NEK3: variants seen among roughly 807,000 people sequenced by gnomAD.
NEK3 encodes the protein NIMA related kinase 3.
A neutral mutation model predicts 66.0 loss-of-function variants in NEK3; 54 were observed. The ratio of observed to expected loss-of-function variants is 0.82; its 90% CI spans 0.66 to 1.03. The LOEUF (loss-of-function observed/expected upper bound fraction) is 1.03, where lower values mean the gene tolerates loss of function less well. Ranked by LOEUF, NEK3 falls within the 50% of genes least tolerant of loss-of-function variation. NEK3 has a pLI of 0.00. For synonymous variants in NEK3, 200 were observed against 206.2 expected (o/e 0.97, Z 0.26); for missense variants, 593 against 603.0 (o/e 0.98, Z 0.17).
intron 10 of NEK3, 36 bp from the exon 11 acceptor site, chr13:52,141,105 C>T (rs1956247246): frequency 6.4e-7 from 1 of 1,552,408 alleles, no homozygotes; most frequent in Non-Finnish European, 8.8e-7. Context: ...AAAGATAAAA[C>T]ACATAAAGGA....
chr13:52,135,982 A>T (rs1241652303), intron 13 of NEK3, 119 bp from the exon 14 acceptor site: 7 of 1,489,028 alleles, frequency 4.7e-6, no homozygotes, highest in Non-Finnish European at 6.4e-6. Context: ...AATCTGCTTC[A>T]TTCACCTGTA....
At chr13:52,146,535 A>C (rs1956296983) in intron 8 of NEK3, among the ~76,000 whole-genome samples, 1 of 152,246 alleles carries the variant, frequency 6.6e-6, no homozygotes, top group African/African-American at 2.4e-5. Flanking sequence ...AAGAACGTAT[A>C]CATGTAAATT....
At chr13:52,153,837 G>A in intron 4 of NEK3, 58 bp downstream of exon 4, 1 of 1,133,822 alleles carries the variant, frequency 8.8e-7, no homozygotes. Flanking sequence ...CTTATATAAA[G>A]TTTATGAGAA....
chr13:52,138,067 C>A (rs1236454593), intron 11 of NEK3, among the ~76,000 whole-genome samples: 1 of 152,224 alleles, frequency 6.6e-6, no homozygotes, highest in African/African-American at 2.4e-5. Context: ...GTTGCCCAGG[C>A]TGGAGTGCAG....
rs536584778 is a variant in NEK3, at chr13:52,151,143, C to CA, written c.548+2dup. The CA allele has an allele frequency of 2.7e-4, 436 of 1,602,572 alleles. 1 individual carries two copies. In the East Asian group the frequency reaches 9.4e-3, roughly 34 times the overall value. On this transcript the variant is annotated splice_region_variant and intron_variant, in intron 7 of 15. Coordinates refer to ENST00000610828, the MANE Select transcript of NEK3 (RefSeq NM_002498.3). ...ACCCTGACATCAAATATGCAGCACT[C>CA]ACCTTTTATTGTTATAAGGCAGGTT... is the stretch of plus-strand genomic sequence containing the variant.
rs1366989405 is a variant in NEK3 at position 52,133,756 on chromosome 13, C to T, written c.1369G>A (p.Asp457Asn). 6.3e-7 allele frequency: 1 copy of T among 1,587,744 alleles called. No individual in the cohort carries two copies. The change falls in exon 15 of 16, where the codon GAT becomes AAT. Residue 457 changes from aspartate to asparagine, a missense_variant. Transcript: ENST00000610828. ...AAAATGACAGAATCGTGACCTCCAT[C>T]AACACTGTCCGATGCTTCTGTTTCT... ...SEETEASDSVDGGHDSVILDP... is the reference protein window; with the variant it reads ...SEETEASDSVNGGHDSVILDP...
At chr13:52,139,549 C>G (rs1376896108) in intron 11 of NEK3, among the ~76,000 whole-genome samples, 1 of 152,168 alleles carries the variant, frequency 6.6e-6, no homozygotes, top group Non-Finnish European at 1.5e-5. Flanking sequence ...CAATTGTACA[C>G]TCAGAATTGG....
chr13:52,158,774 T>TA (rs1483789510), intron 1 of NEK3, among the ~76,000 whole-genome samples: 3 of 152,234 alleles, frequency 2.0e-5, no homozygotes, highest in Non-Finnish European at 4.4e-5. Flanking sequence ...ACCAGTGAGA[T>TA]ACGGGCTAAG....
intron 1 of NEK3, chr13:52,157,230 G>C (rs1044058337): frequency 6.6e-6 from 1 of 152,232 alleles, no homozygotes; most frequent in Non-Finnish European, 1.5e-5. Flanking sequence ...AGTGGAGGAG[G>C]GGCAGGAAGG....
At chr13:52,140,424 C>T (rs745309079) in intron 11 of NEK3, among the ~76,000 whole-genome samples, 5 of 152,006 alleles carry the variant, frequency 3.3e-5, no homozygotes, top group African/African-American at 1.2e-4. Flanking sequence ...CTGGCTAAAA[C>T]AGTGAAACCC....
chr13:52,133,636 C>CAA, intron 15 of NEK3, 53 bp downstream of exon 15: 1 of 1,527,834 alleles, frequency 6.5e-7, no homozygotes, highest in Non-Finnish European at 8.8e-7. Flanking sequence ...CACACACACA[C>CAA]ACACACACAC....
intron 7 of NEK3, among the ~76,000 whole-genome samples, chr13:52,150,086 CCATT>C (rs1206807407): frequency 1.3e-5 from 2 of 152,252 alleles, no homozygotes; most frequent in South Asian, 2.1e-4. Context: ...TGTTTTGTCC[CCATT>C]CAGTCAATTC....
At chr13:52,155,735 G>A (rs1408403226) in intron 2 of NEK3, among the ~76,000 whole-genome samples, 2 of 152,162 alleles carry the variant, frequency 1.3e-5, no homozygotes, top group African/African-American at 2.4e-5. Flanking sequence ...GGAGTGCAGT[G>A]GCACAATCTC....
At chr13:52,139,680 CAT>C (rs1335825063) in intron 11 of NEK3, among the ~76,000 whole-genome samples, 1 of 152,128 alleles carries the variant, frequency 6.6e-6, no homozygotes, top group Non-Finnish European at 1.5e-5. Flanking sequence ...AGGCAGATCA[CAT>C]GAGGTCAGGA....
intron 11 of NEK3, 66 bp from the exon 12 acceptor site, chr13:52,136,968 T>C (rs1956211653): frequency 3.7e-6 from 4 of 1,077,966 alleles, no homozygotes; most frequent in South Asian, 3.6e-5. Flanking sequence ...TAAACAAATA[T>C]GCAAAGTCAG....
Position 52,144,126 on chromosome 13 carries a change from C to T in NEK3, c.805-139G>A, listed in dbSNP as rs1594025389. The T allele has an allele frequency of 1.5e-5, 9 of 582,660 alleles. No homozygotes were observed. The East Asian group carries it at 2.8e-4, about 18-fold the overall frequency. 36.1% of individuals were successfully genotyped at this position (582,660 alleles called of 1,614,324 possible). A position where few individuals can be genotyped will look rare whatever the true frequency, so the allele number is the denominator to read the frequency against. On this transcript the variant is annotated intron_variant, in intron 9 of 15. Coordinates refer to ENST00000610828, the MANE Select transcript of NEK3 (RefSeq NM_002498.3). ...AACAAAAGTACCACTTTAAAAAGTA[C>T]ATACAGGCCGGGCATGGTGGCTCAC...
chr13:52,137,413 A>G (rs1444319825), intron 11 of NEK3, among the ~76,000 whole-genome samples: 1 of 152,216 alleles, frequency 6.6e-6, no homozygotes, highest in Non-Finnish European at 1.5e-5. Context: ...TGGTTTACTA[A>G]ATCTGCATAT....
chr13:52,154,712 T>C (rs1956377496), intron 2 of NEK3, among the ~76,000 whole-genome samples: 2 of 151,484 alleles, frequency 1.3e-5, no homozygotes. Flanking sequence ...TATCCCTAAC[T>C]TACTCTATGA....
At chr13:52,155,705 CTTATT>C (rs1956389315) in intron 2 of NEK3, among the ~76,000 whole-genome samples, 2 of 149,974 alleles carry the variant, frequency 1.3e-5, no homozygotes, top group Admixed American at 1.3e-4. Flanking sequence ...GAGACAGAGT[CTTATT>C]TTGTCACCAA....
Sources: gnomAD v4.1 joint callset for allele counts (sites outside exome capture counted in the v4.1 genomes callset) on GRCh38, gnomAD v4.1.1 for gene constraint, MANE v1.5 for transcripts, NCBI Gene and HGNC (gene_info 2026-07-23, HGNC 2026-07-21) for gene names.